MAPK14: variants seen among roughly 807,000 people sequenced by gnomAD.
MAPK14 encodes CSAID-binding protein.
In MAPK14, 16 loss-of-function variants were observed where a neutral mutation model predicts 49.6. That is an observed-to-expected ratio of 0.32 (90% CI 0.22 to 0.49). The LOEUF (loss-of-function observed/expected upper bound fraction) is 0.49, where lower values mean the gene tolerates loss of function less well. Ranked by LOEUF, MAPK14 falls within the 20% of genes least tolerant of loss-of-function variation. The pLI, the probability that MAPK14 is intolerant of heterozygous loss-of-function variation, is 0.99. For synonymous variants in MAPK14, 142 were observed against 158.0 expected (o/e 0.90, Z 0.76); for missense variants, 200 against 441.2 (o/e 0.45, Z 4.90).
At chr6:36,063,169 CT>C in intron 3 of MAPK14, among the ~76,000 whole-genome samples, 1 of 152,248 alleles carries the variant, frequency 6.6e-6, no homozygotes, top group East Asian at 1.9e-4. Flanking sequence ...TATGGTGTAT[CT>C]TGTTGCTCCC....
intron 9 of MAPK14, 40 bp from the exon 10 acceptor site, chr6:36,102,531 T>C: frequency 6.8e-7 from 1 of 1,475,428 alleles, no homozygotes; most frequent in Non-Finnish European, 9.5e-7. Context: ...AGCAGTAACA[T>C]TATTGAACAA....
At chr6:36,046,422 T>G (rs773865760) in intron 1 of MAPK14, among the ~76,000 whole-genome samples, 9 of 152,206 alleles carry the variant, frequency 5.9e-5, no homozygotes, top group Admixed American at 2.6e-4. Flanking sequence ...TTTACAGATG[T>G]GATTGAGAGG....
chr6:36,093,674 G>A (rs531538968), intron 8 of MAPK14, among the ~76,000 whole-genome samples: 4 of 143,182 alleles, frequency 2.8e-5, no homozygotes, highest in East Asian at 2.1e-4. Flanking sequence ...AGCCGAGATC[G>A]CGCCACTGCA....
At chr6:36,089,705 A>G (rs1175889938) in intron 8 of MAPK14, among the ~76,000 whole-genome samples, 1 of 152,202 alleles carries the variant, frequency 6.6e-6, no homozygotes, top group Non-Finnish European at 1.5e-5. Context: ...TTAAAAGCCT[A>G]GTTGACTAGG....
At chr6:36,058,188 G>A (rs1373005609) in intron 2 of MAPK14, among the ~76,000 whole-genome samples, 3 of 151,918 alleles carry the variant, frequency 2.0e-5, no homozygotes. Flanking sequence ...AAGACTTTGT[G>A]AGAATAATAC....
At chr6:36,063,450 C>T (rs1008154554) in intron 3 of MAPK14, among the ~76,000 whole-genome samples, 1 of 152,072 alleles carries the variant, frequency 6.6e-6, no homozygotes, top group Non-Finnish European at 1.5e-5. Context: ...ATTAGCCGAG[C>T]ATAGTGGTGC....
chr6:36,034,486 A>C (rs955231007), intron 1 of MAPK14, among the ~76,000 whole-genome samples: 1 of 152,184 alleles, frequency 6.6e-6, no homozygotes, highest in African/African-American at 2.4e-5. Flanking sequence ...TTTGGGGTAA[A>C]ACTGATTTGT....
At chr6:36,112,228 C>A (rs1234718350), downstream of MAPK14, among the ~76,000 whole-genome samples, 2 of 151,794 alleles carry the variant, frequency 1.3e-5, no homozygotes. Context: ...AGAATCAGAC[C>A]GTTGTAGGGA....
chr6:36,094,361 C>T (rs1396071760), intron 8 of MAPK14, among the ~76,000 whole-genome samples: 6 of 152,186 alleles, frequency 3.9e-5, no homozygotes, highest in Non-Finnish European at 5.9e-5. Flanking sequence ...CATATGGTAA[C>T]TGTGCTTGTT....
At chr6:36,066,111 A>G (rs1289358634) in intron 3 of MAPK14, among the ~76,000 whole-genome samples, 3 of 152,178 alleles carry the variant, frequency 2.0e-5, no homozygotes, top group Non-Finnish European at 4.4e-5. Context: ...GGGCTTTCAC[A>G]TAATCTTATT....
chr6:36,074,488 G>A (rs942588115), intron 6 of MAPK14, among the ~76,000 whole-genome samples: 65 of 152,218 alleles, frequency 4.3e-4, no homozygotes, highest in Non-Finnish European at 2.2e-4. Flanking sequence ...TAAATAGCAA[G>A]CAGCTCTAGA....
chr6:36,092,150 A>G, intron 8 of MAPK14: 1 of 524,014 alleles, frequency 1.9e-6, no homozygotes, highest in Non-Finnish European at 3.8e-6. Flanking sequence ...ACTTCCACAA[A>G]TTCTCCATCC....
chr6:36,094,291 G>A (rs868420700), intron 8 of MAPK14, among the ~76,000 whole-genome samples: 1 of 152,186 alleles, frequency 6.6e-6, no homozygotes, highest in African/African-American at 2.4e-5. Flanking sequence ...TGGGTTTAGG[G>A]TGGGGTTTGG....
At chr6:36,048,294 T>C (rs1304560202) in intron 1 of MAPK14, among the ~76,000 whole-genome samples, 1 of 152,090 alleles carries the variant, frequency 6.6e-6, no homozygotes, top group Non-Finnish European at 1.5e-5. Context: ...CCACCCGCCT[T>C]GGCCTCACAA....
At chr6:36,057,860 T>C (rs1763646677) in intron 2 of MAPK14, among the ~76,000 whole-genome samples, 2 of 152,238 alleles carry the variant, frequency 1.3e-5, no homozygotes, top group Non-Finnish European at 2.9e-5. Context: ...AACAGTGTGC[T>C]AGTGAGGCCA....
chr6:36,075,558 A>G (rs1764498274), intron 6 of MAPK14, among the ~76,000 whole-genome samples: 1 of 152,208 alleles, frequency 6.6e-6, no homozygotes, highest in African/African-American at 2.4e-5. Context: ...TGTGTAAAGC[A>G]ACTGTGAATG....
intron 3 of MAPK14, among the ~76,000 whole-genome samples, chr6:36,067,346 T>C (rs1031192953): frequency 3.3e-5 from 5 of 152,196 alleles, no homozygotes; most frequent in Admixed American, 1.3e-4. Flanking sequence ...TATGTCCCTT[T>C]ATTATGATTA....
chr6:36,059,870 A>G (rs1003421316), intron 3 of MAPK14, among the ~76,000 whole-genome samples: 6 of 152,194 alleles, frequency 3.9e-5, no homozygotes, highest in South Asian at 2.1e-4. Flanking sequence ...CCCCAGCCAT[A>G]TAGACTCCCT....
At chr6:36,090,782 C>T (rs1020265692) in intron 8 of MAPK14, among the ~76,000 whole-genome samples, 1 of 152,082 alleles carries the variant, frequency 6.6e-6, no homozygotes, top group African/African-American at 2.4e-5. Context: ...ACTTTAGACA[C>T]CAAAAGCAAG....
Sources: gnomAD v4.1 joint callset for allele counts (sites outside exome capture counted in the v4.1 genomes callset) on GRCh38, gnomAD v4.1.1 for gene constraint, MANE v1.5 for transcripts, NCBI Gene and HGNC (gene_info 2026-07-23, HGNC 2026-07-21) for gene names.